The following INPP4B variants were observed in gnomAD, a reference collection of about 807,000 sequenced individuals.
The protein encoded by INPP4B is inositol polyphosphate 4-phosphatase type II.
INPP4B carries 55 observed loss-of-function variants against 122.5 expected under a neutral mutation model. The observed-to-expected ratio is 0.45, with a 90% CI of 0.36 to 0.56. The LOEUF (loss-of-function observed/expected upper bound fraction) is 0.56, where lower values mean the gene tolerates loss of function less well. Ranked by LOEUF, INPP4B falls within the 20% of genes least tolerant of loss-of-function variation. The pLI is 0.00. For missense variants in INPP4B, 1,000 were observed against 1,097.7 expected, an observed-to-expected ratio of 0.91 and a Z score of 1.26; for synonymous variants, 403 against 388.7, an observed-to-expected ratio of 1.04 and a Z score of -0.43.
chr4:142,238,061 C>T, intron 11 of INPP4B, 50 bp from the exon 12 acceptor site: 1 of 899,266 alleles, frequency 1.1e-6, no homozygotes, highest in Non-Finnish European at 1.7e-6. Context: ...AAATGCATGT[C>T]AGGTGAAGCT....
intron 1 of INPP4B, among the ~76,000 whole-genome samples, chr4:142,756,167 C>T (rs1255292961): frequency 6.6e-6 from 1 of 152,030 alleles, no homozygotes; most frequent in East Asian, 1.9e-4. Context: ...GAGGAAAGAG[C>T]TCCTCTTTTG....
At chr4:142,454,563 T>G (rs1409011332) in intron 3 of INPP4B, among the ~76,000 whole-genome samples, 1 of 152,066 alleles carries the variant, frequency 6.6e-6, no homozygotes, top group Non-Finnish European at 1.5e-5. Context: ...ACTATGTTAG[T>G]CTGCAGTGCT....
intron 25 of INPP4B, among the ~76,000 whole-genome samples, chr4:142,062,731 G>A (rs192990790): frequency 2.4e-4 from 36 of 147,144 alleles, no homozygotes; most frequent in South Asian, 1.6e-3. Flanking sequence ...GCAAGACTCC[G>A]TCCCCCCGCA....
intron 23 of INPP4B, among the ~76,000 whole-genome samples, chr4:142,094,952 T>A (rs926975821): frequency 1.3e-5 from 2 of 152,190 alleles, no homozygotes; most frequent in African/African-American, 2.4e-5. Flanking sequence ...AATAAGAATA[T>A]GAAACCTATA....
intron 25 of INPP4B, among the ~76,000 whole-genome samples, chr4:142,036,308 TAGGAAAAA>T: frequency 6.6e-6 from 1 of 152,246 alleles, no homozygotes; most frequent in South Asian, 2.1e-4. Flanking sequence ...TGTCTCCTGT[TAGGAAAAA>T]AGTATAGAAT....
At chr4:142,163,986 T>C (rs1821425114) in intron 16 of INPP4B, among the ~76,000 whole-genome samples, 3 of 151,914 alleles carry the variant, frequency 2.0e-5, no homozygotes, top group Admixed American at 6.6e-5. Context: ...TAATATCGTG[T>C]AAAAAGAATA....
chr4:142,577,560 T>C (rs528487897), intron 2 of INPP4B, among the ~76,000 whole-genome samples: 3 of 152,122 alleles, frequency 2.0e-5, no homozygotes, highest in Admixed American at 1.3e-4. Flanking sequence ...GGTTGTATTG[T>C]GAAAGACATT....
chr4:142,761,553 T>TG (rs1167230435), intron 1 of INPP4B, among the ~76,000 whole-genome samples: 3 of 152,042 alleles, frequency 2.0e-5, no homozygotes, highest in Non-Finnish European at 2.9e-5. Flanking sequence ...ATAAAAAGAG[T>TG]GTTCACAGTG....
At chr4:142,796,868 ATGTGTGTGTGTGTGTGTGTGTG>A (rs34860975) in intron 1 of INPP4B, among the ~76,000 whole-genome samples, 1 of 105,294 alleles carries the variant, frequency 9.5e-6, no homozygotes, top group Non-Finnish European at 2.2e-5. Context: ...CGGAAAACAG[ATGTGTGTGTGTGTGTGTGTGTG>A]TGTGTGTGTG....
At chr4:142,533,930 A>G (rs984936394) in intron 2 of INPP4B, among the ~76,000 whole-genome samples, 1 of 152,204 alleles carries the variant, frequency 6.6e-6, no homozygotes, top group Non-Finnish European at 1.5e-5. Flanking sequence ...ATGAAATGTT[A>G]GTAGAATTTA....
intron 7 of INPP4B, among the ~76,000 whole-genome samples, chr4:142,326,887 G>A (rs964364189): frequency 2.6e-5 from 4 of 152,070 alleles, no homozygotes; most frequent in African/African-American, 9.7e-5. Flanking sequence ...TGAGAAAACT[G>A]GGTTTCAGGA....
intron 2 of INPP4B, among the ~76,000 whole-genome samples, chr4:142,475,280 T>TAAAC (rs3078584): frequency 1 from 151,949 of 152,002 alleles, 75,948 homozygotes; most frequent in Middle Eastern, 1. Flanking sequence ...TAAAAGCAAA[T>TAAAC]AAACAAAAAA....
At chr4:142,061,919 T>C (rs374589753) in intron 25 of INPP4B, among the ~76,000 whole-genome samples, 111,627 of 133,862 alleles carry the variant, frequency 0.83, 46,079 homozygotes, top group East Asian at 0.93. Context: ...TATATATATA[T>C]ATATATATAT....
chr4:142,094,012 GAGA>G (rs778747862), intron 23 of INPP4B, among the ~76,000 whole-genome samples: 3 of 152,294 alleles, frequency 2.0e-5, no homozygotes, highest in Non-Finnish European at 2.9e-5. Flanking sequence ...GGTGTTCAGG[GAGA>G]AGAATACGAC....
chr4:142,449,515 A>G (rs926604340), intron 3 of INPP4B, among the ~76,000 whole-genome samples: 1 of 152,118 alleles, frequency 6.6e-6, no homozygotes, highest in African/African-American at 2.4e-5. Context: ...CATCCTGGCC[A>G]ACATGGTGAA....
intron 2 of INPP4B, among the ~76,000 whole-genome samples, chr4:142,632,648 TA>T (rs1295155583): frequency 6.6e-6 from 1 of 151,862 alleles, no homozygotes; most frequent in Non-Finnish European, 1.5e-5. Context: ...ATTAAATATA[TA>T]AAAAGAATTA....
Position 142,079,292 on chromosome 4 carries a change from C to T in INPP4B, c.2642+2739G>A, listed in dbSNP as rs962219891. On this transcript the variant is annotated intron_variant, in intron 25 of 25. Coordinates refer to ENST00000262992, the MANE Select transcript of INPP4B (RefSeq NM_001101669.3). ...CAGGTAGTTTCTCATCCCTCCCTCC[C>T]TTCTCATCCTTCCACCTTTTAACAC... 3.3e-5 allele frequency among the ~76,000 whole-genome samples: 5 copies of T among 151,990 alleles called. No homozygotes were observed. In the South Asian group the frequency reaches 1.0e-3, roughly 31 times the overall value.
intron 2 of INPP4B, among the ~76,000 whole-genome samples, chr4:142,573,984 T>C (rs953951146): frequency 6.6e-6 from 1 of 152,128 alleles, no homozygotes; most frequent in Admixed American, 6.6e-5. Flanking sequence ...TTTTACTTGA[T>C]TGCCTGAAAT....
At chr4:142,400,499 A>G (rs1483692502) in intron 7 of INPP4B, among the ~76,000 whole-genome samples, 1 of 152,158 alleles carries the variant, frequency 6.6e-6, no homozygotes, top group East Asian at 1.9e-4. Context: ...TCCATCATTC[A>G]CTTTAAAGAA....
Sources: allele counts gnomAD v4.1 joint callset (sites outside exome capture counted in the v4.1 genomes callset), GRCh38; gene constraint gnomAD v4.1.1; transcripts MANE v1.5; gene names NCBI Gene and HGNC (gene_info 2026-07-23, HGNC 2026-07-21).